Variants in CREB5 observed in about 807,000 individuals in gnomAD.
CREB5 encodes cyclic AMP-responsive element-binding protein 5.
CREB5 carries 19 observed loss-of-function variants against 57.1 expected under a neutral mutation model. That is an observed-to-expected ratio of 0.33 (90% CI 0.23 to 0.49). The LOEUF is 0.49. Ranked by LOEUF, CREB5 falls within the 20% of genes least tolerant of loss-of-function variation. CREB5 has a pLI of 0.99. For missense variants in CREB5, 579 were observed against 671.6 expected (o/e 0.86, Z 1.52); for synonymous variants, 238 against 238.3 (o/e 1.00, Z 0.01).
chr7:28,634,647 C>T (rs527999992), intron 5 of CREB5, among the ~76,000 whole-genome samples: 2 of 152,210 alleles, frequency 1.3e-5, no homozygotes, highest in Non-Finnish European at 2.9e-5. Context: ...TTTACTGAAG[C>T]TCTAGATGTG....
intron 5 of CREB5, among the ~76,000 whole-genome samples, chr7:28,649,524 T>G (rs1455158653): frequency 6.6e-6 from 1 of 152,154 alleles, no homozygotes; most frequent in Non-Finnish European, 1.5e-5. Context: ...ACAAAAAAGG[T>G]GTGCCAACCT....
intron 1 of CREB5, among the ~76,000 whole-genome samples, chr7:28,440,997 AT>A (rs1278518888): frequency 1.3e-5 from 2 of 152,242 alleles, no homozygotes; most frequent in East Asian, 1.9e-4. Flanking sequence ...TTATCAATGC[AT>A]TTTTCCCCTT....
At chr7:28,425,150 T>C (rs1010716090) in intron 1 of CREB5, among the ~76,000 whole-genome samples, 2 of 152,146 alleles carry the variant, frequency 1.3e-5, no homozygotes, top group African/African-American at 2.4e-5. Context: ...CCAACATCAC[T>C]ACCTATCAGG....
At chr7:28,754,665 G>A (rs7799415) in intron 7 of CREB5, among the ~76,000 whole-genome samples, 26,368 of 152,116 alleles carry the variant, frequency 0.17, 2,571 homozygotes, top group Middle Eastern at 0.26. Flanking sequence ...GAGCATGCTG[G>A]CACGTAGCTC....
intron 5 of CREB5, among the ~76,000 whole-genome samples, chr7:28,654,137 A>T (rs887913874): frequency 1.3e-5 from 2 of 152,236 alleles, no homozygotes; most frequent in African/African-American, 4.8e-5. Flanking sequence ...TGATTTATAC[A>T]AATAAGATGT....
At chr7:28,724,052 C>A (rs1469284332) in intron 6 of CREB5, among the ~76,000 whole-genome samples, 170 bp from the exon 7 acceptor site, 1 of 152,102 alleles carries the variant, frequency 6.6e-6, no homozygotes, top group African/African-American at 2.4e-5. Flanking sequence ...CTTTGATGTG[C>A]GTGGGTTCAA....
chr7:28,673,888 G>T (rs1800189690), intron 5 of CREB5, among the ~76,000 whole-genome samples: 2 of 151,706 alleles, frequency 1.3e-5, no homozygotes, highest in Non-Finnish European at 2.9e-5. Context: ...TGGCCAGGCT[G>T]GTCTCAAACT....
At chr7:28,500,381 C>T (rs1038555455) in intron 3 of CREB5, among the ~76,000 whole-genome samples, 3 of 152,208 alleles carry the variant, frequency 2.0e-5, no homozygotes, top group African/African-American at 7.2e-5. Flanking sequence ...TGTGGCACAG[C>T]TGACTATATC....
chr7:28,497,295 C>G (rs1056657122), intron 3 of CREB5, among the ~76,000 whole-genome samples: 1 of 152,206 alleles, frequency 6.6e-6, no homozygotes, highest in Non-Finnish European at 1.5e-5. Flanking sequence ...CTATATAGTG[C>G]CTAAAGCAGG....
At chr7:28,563,367 G>T (rs970516095) in intron 4 of CREB5, among the ~76,000 whole-genome samples, 1 of 152,148 alleles carries the variant, frequency 6.6e-6, no homozygotes, top group Non-Finnish European at 1.5e-5. Flanking sequence ...GATGAGAAAG[G>T]TATGGCTCAG....
intron 1 of CREB5, among the ~76,000 whole-genome samples, chr7:28,366,321 T>C (rs921546632): frequency 2.6e-5 from 4 of 152,312 alleles, no homozygotes; most frequent in Middle Eastern, 3.4e-3. Flanking sequence ...ACATTATAGA[T>C]TACAAATTTT....
chr7:28,620,070 G>T (rs1227930630), intron 5 of CREB5, among the ~76,000 whole-genome samples: 3 of 152,188 alleles, frequency 2.0e-5, no homozygotes, highest in Non-Finnish European at 2.9e-5. Context: ...TTGATGAAGT[G>T]AAGCTTCTCA....
chr7:28,487,785 T>A (rs1357521886), intron 1 of CREB5, among the ~76,000 whole-genome samples: 1 of 152,154 alleles, frequency 6.6e-6, no homozygotes, highest in African/African-American at 2.4e-5. Context: ...AAGTAGCAAA[T>A]CCCAAAAGCT....
chr7:28,433,668 A>G lies in CREB5; in HGVS notation c.3+20751A>G, dbSNP rs1788822068. ...TACATCTTTTTATTCTGGAAAGGAA[A>G]TGCACCCTTTATCTTTAAAATCTAG... On this transcript the variant is annotated intron_variant, in intron 1 of 10. Coordinates refer to ENST00000357727, the MANE Select transcript of CREB5 (RefSeq NM_182898.4). Among the ~76,000 whole-genome samples the G allele has an allele frequency of 3.3e-5, 5 of 152,082 alleles. No individual in the cohort carries two copies. The South Asian group carries it at 1.0e-3, about 32-fold the overall frequency.
Position 28,821,719 on chromosome 7 carries a change from T to C in CREB5, c.*2440T>C, listed in dbSNP as rs1809782347. On this transcript the variant is annotated 3_prime_UTR_variant, in exon 11 of 11. Transcript: ENST00000357727. Reference sequence around the variant, plus strand: ...AATCAAAAATCATATTTCAAAATTCTTTCCTAGGACCATCTATGTGTCTCC... The same window carrying C: ...AATCAAAAATCATATTTCAAAATTCCTTCCTAGGACCATCTATGTGTCTCC... 1 of 152,390 alleles carries C rather than the reference T, an allele frequency of 6.6e-6. No individual in the cohort carries two copies. The highest frequency in any genetic ancestry group is 2.1e-4 in the South Asian group (1 of 4,832). The allele number at this position is 152,390 out of a possible 1,614,324, so 9.4% of individuals were successfully genotyped here.
chr7:28,399,632 T>C (rs1272275859), intron 1 of CREB5, among the ~76,000 whole-genome samples: 3 of 152,044 alleles, frequency 2.0e-5, no homozygotes, highest in Non-Finnish European at 4.4e-5. Flanking sequence ...ATACAGAAAT[T>C]TGGCCTGTCA....
chr7:28,352,006 T>G (rs1786197343), intron 1 of CREB5, among the ~76,000 whole-genome samples: 1 of 152,220 alleles, frequency 6.6e-6, no homozygotes, highest in Admixed American at 6.5e-5. Flanking sequence ...ATTTTAGTTG[T>G]TTTAAAAAAA....
chr7:28,812,712 C>T (rs550544591), intron 9 of CREB5, among the ~76,000 whole-genome samples: 2 of 152,268 alleles, frequency 1.3e-5, no homozygotes, highest in African/African-American at 4.8e-5. Flanking sequence ...CATCAGGCCC[C>T]GGGATGCTGG....
At chr7:28,406,828 G>A (rs1562694919) in intron 1 of CREB5, among the ~76,000 whole-genome samples, 1 of 152,206 alleles carries the variant, frequency 6.6e-6, no homozygotes, top group Non-Finnish European at 1.5e-5. Context: ...ACAGATGAGA[G>A]GGCTGCTTGG....
Sources: gnomAD v4.1 joint callset for allele counts (sites outside exome capture counted in the v4.1 genomes callset) on GRCh38, gnomAD v4.1.1 for gene constraint, MANE v1.5 for transcripts, NCBI Gene and HGNC (gene_info 2026-07-23, HGNC 2026-07-21) for gene names.